Variants in RFC3 observed in about 807,000 individuals in gnomAD.
RFC3 encodes the protein replication factor C subunit 3, also known as A1 38 kDa subunit.
RFC3 carries 41 observed loss-of-function variants against 45.1 expected under a neutral mutation model. The observed-to-expected ratio is 0.91, with a 90% CI of 0.71 to 1.18. RFC3 has a LOEUF of 1.18. Among genes scored for constraint, RFC3 ranks in the 50% most tolerant of loss-of-function variants. RFC3 has a pLI of 0.00. For missense variants in RFC3, 423 were observed against 428.1 expected (o/e 0.99, Z 0.10); for synonymous variants, 149 against 144.0 (o/e 1.03, Z -0.25).
chr13:33,885,478 T>G (rs1045875184), intron 8 of RFC3, among the ~76,000 whole-genome samples: 1 of 152,176 alleles, frequency 6.6e-6, no homozygotes, highest in African/African-American at 2.4e-5. Context: ...TTCTCAGCCC[T>G]TACCCCCTCC....
At chr13:33,918,522 AT>A (rs1281819123) in intron 8 of RFC3, among the ~76,000 whole-genome samples, 2 of 152,154 alleles carry the variant, frequency 1.3e-5, no homozygotes, top group African/African-American at 4.8e-5. Context: ...CTGTTGGGTA[AT>A]TAATACAAAG....
chr13:33,885,217 CATTAT>C (rs1321806958), intron 8 of RFC3, among the ~76,000 whole-genome samples: 2 of 152,086 alleles, frequency 1.3e-5, no homozygotes, highest in African/African-American at 4.8e-5. Flanking sequence ...CATGGTATCA[CATTAT>C]ATTATCACAT....
rs946640814 is a variant in RFC3, at chr13:33,887,576, T to G, written c.879+52359T>G. 4.0e-3 allele frequency among the ~76,000 whole-genome samples: 606 copies of G among 152,162 alleles called. 8 individuals are homozygous for G. Among genetic ancestry groups the G allele is most frequent in the Non-Finnish European group, 4.9e-3 (333 of 67,958 alleles). On this transcript the variant is annotated intron_variant, in intron 8 of 8. Transcript: ENST00000434425. ...GTAGGTTGCGAAAATTTTCTCCCAT[T>G]TTGTAGGTTGCCTGTTCACTCTGAT...
chr13:33,866,562 C>T (rs980515413), intron 8 of RFC3, among the ~76,000 whole-genome samples: 3 of 152,180 alleles, frequency 2.0e-5, no homozygotes, highest in African/African-American at 7.2e-5. Flanking sequence ...ATGCCTCATA[C>T]AGTTCTCAGC....
chr13:33,834,543 CT>C (rs1414184114), intron 7 of RFC3, among the ~76,000 whole-genome samples: 2 of 151,744 alleles, frequency 1.3e-5, no homozygotes, highest in Non-Finnish European at 2.9e-5. Context: ...ACCTGTAAAC[CT>C]TTGTGCCGCC....
At chr13:33,922,388 T>C (rs1445000254) in intron 8 of RFC3, among the ~76,000 whole-genome samples, 1 of 152,112 alleles carries the variant, frequency 6.6e-6, no homozygotes, top group Non-Finnish European at 1.5e-5. Context: ...GCTCAGGAAA[T>C]ATTCAATTTA....
intron 7 of RFC3, among the ~76,000 whole-genome samples, chr13:33,833,540 A>G (rs2082122927): frequency 6.6e-6 from 1 of 152,178 alleles, no homozygotes; most frequent in Non-Finnish European, 1.5e-5. Flanking sequence ...AATGTAGAAT[A>G]TGTTAATTTT....
At chr13:33,955,644 C>T (rs1033066289) in intron 8 of RFC3, among the ~76,000 whole-genome samples, 1 of 152,100 alleles carries the variant, frequency 6.6e-6, no homozygotes, top group Non-Finnish European at 1.5e-5. Context: ...AATTAGCTGG[C>T]CAATTTAAAC....
At chr13:33,862,255 G>GTTTTTTTT (rs142905743) in intron 8 of RFC3, among the ~76,000 whole-genome samples, 5 of 134,900 alleles carry the variant, frequency 3.7e-5, no homozygotes, top group African/African-American at 5.5e-5. Flanking sequence ...TCTCAGCAAA[G>GTTTTTTTT]TTTTTTTTTT....
chr13:33,964,237 T>C (rs2137874197), intron 8 of RFC3, among the ~76,000 whole-genome samples: 1 of 152,346 alleles, frequency 6.6e-6, no homozygotes, highest in African/African-American at 2.4e-5. Flanking sequence ...AATGACAGTA[T>C]GTCTAGAGAG....
downstream of RFC3, among the ~76,000 whole-genome samples, chr13:33,968,247 C>A (rs913253955): frequency 6.6e-6 from 1 of 152,192 alleles, no homozygotes; most frequent in Non-Finnish European, 1.5e-5. Context: ...CCTGTCTCAG[C>A]CTCCCAAGTA....
At chr13:33,933,647 G>T (rs763807424) in intron 8 of RFC3, among the ~76,000 whole-genome samples, 1 of 151,970 alleles carries the variant, frequency 6.6e-6, no homozygotes, top group Non-Finnish European at 1.5e-5. Flanking sequence ...ATTTTCAAAT[G>T]ATGACCTGTG....
At chr13:33,959,234 A>G (rs752797518) in intron 8 of RFC3, among the ~76,000 whole-genome samples, 1 of 152,146 alleles carries the variant, frequency 6.6e-6, no homozygotes, top group Admixed American at 6.5e-5. Flanking sequence ...TCTAAAACAC[A>G]ACTATGATTA....
At chr13:33,950,862 A>G (rs1432366914) in intron 8 of RFC3, among the ~76,000 whole-genome samples, 2 of 151,052 alleles carry the variant, frequency 1.3e-5, no homozygotes, top group African/African-American at 2.4e-5. Context: ...CATTCACCCA[A>G]TTTCCTCCTC....
At chr13:33,915,730 A>T (rs183018807) in intron 8 of RFC3, among the ~76,000 whole-genome samples, 166 of 152,210 alleles carry the variant, frequency 1.1e-3, no homozygotes, top group Middle Eastern at 0.01. Context: ...AAAAAAGAAA[A>T]CAATGACTAA....
rs3135562 is a variant in RFC3 at position 33,823,152 on chromosome 13, G to A, written c.226-765G>A. Among the ~76,000 whole-genome samples the A allele has an allele frequency of 7.1e-4, 108 of 152,224 alleles. 1 individual carries two copies. In the East Asian group the frequency reaches 0.02, roughly 29 times the overall value. ...GGCATGATAAAACCTACTGTAGATG[G>A]GGAATGTTGGGGAAGAGTGTTGCCA... On this transcript the variant is annotated intron_variant, in intron 2 of 8. Transcript: ENST00000380071.
chr13:33,952,848 A>G (rs1044930827), intron 8 of RFC3, among the ~76,000 whole-genome samples: 107 of 152,250 alleles, frequency 7.0e-4, no homozygotes, highest in African/African-American at 2.3e-3. Flanking sequence ...TTTTCCTATC[A>G]CAATTTAATT....
At chr13:33,858,152 T>TGACCA (rs1173771533) in intron 8 of RFC3, among the ~76,000 whole-genome samples, 2 of 152,204 alleles carry the variant, frequency 1.3e-5, no homozygotes, top group Non-Finnish European at 2.9e-5. Context: ...ATTTTATGGA[T>TGACCA]GACCAGCCTT....
At chr13:33,842,157 A>G (rs2082203879), downstream of RFC3, among the ~76,000 whole-genome samples, 1 of 151,986 alleles carries the variant, frequency 6.6e-6, no homozygotes, top group South Asian at 2.1e-4. Context: ...GTGTAGTGGT[A>G]TGTGCTTGTG....
Sources: allele counts gnomAD v4.1 joint callset (sites outside exome capture counted in the v4.1 genomes callset), GRCh38; gene constraint gnomAD v4.1.1; transcripts MANE v1.5; gene names NCBI Gene and HGNC (gene_info 2026-07-23, HGNC 2026-07-21).